The following MYO10 variants were observed in gnomAD, a reference collection of about 807,000 sequenced individuals.
MYO10 encodes unconventional myosin-X.
Under a neutral mutation model 257.3 loss-of-function variants are expected in MYO10, and 133 were observed. The observed-to-expected ratio is 0.52, with a 90% CI of 0.45 to 0.60. The LOEUF (loss-of-function observed/expected upper bound fraction) is 0.60, where lower values mean the gene tolerates loss of function less well. Among genes scored for constraint, MYO10 ranks in the 20% least tolerant of loss-of-function variants. The probability of loss-of-function intolerance (pLI) is 0.00; values close to 1 mark genes in which losing one functional copy is unlikely to be tolerated. For synonymous variants in MYO10, 1,104 were observed against 1,028.6 expected (o/e 1.07, Z -1.40); for missense variants, 2,399 against 2,635.7 (o/e 0.91, Z 1.97).
intron 4 of MYO10, among the ~76,000 whole-genome samples, chr5:16,792,132 C>CACACACACACACACACAG (rs755315207): frequency 1.3e-5 from 1 of 75,290 alleles, no homozygotes; most frequent in Non-Finnish European, 3.6e-5. Flanking sequence ...CACACACACA[C>CACACACACACACACACAG]AGAGAGAGAG....
At chr5:16,682,323 T>A (rs975509742) in intron 30 of MYO10, among the ~76,000 whole-genome samples, 10 of 151,692 alleles carry the variant, frequency 6.6e-5, no homozygotes, top group Non-Finnish European at 1.5e-4. Flanking sequence ...TGAGGGAAAA[T>A]TTTTTTTTGA....
Position 16,860,564 on chromosome 5 carries a change from C to T in MYO10, c.120+17045G>A, listed in dbSNP as rs75809858. Among the ~76,000 whole-genome samples, 707 of 152,272 alleles carry T rather than the reference C, an allele frequency of 4.6e-3. 9 individuals are homozygous for T. The highest frequency in any genetic ancestry group is 0.017 in the African/African-American group (692 of 41,550). ...TATGAAGCAGCTGGTCAGAGAAACG[C>T]ACTTGCAGAGACACTCCGTTAGTAT... On this transcript the variant is annotated intron_variant, in intron 2 of 40. Transcript: ENST00000513610.
chr5:16,815,845 G>A (rs1742587666), intron 3 of MYO10, among the ~76,000 whole-genome samples: 1 of 152,060 alleles, frequency 6.6e-6, no homozygotes, highest in African/African-American at 2.4e-5. Context: ...AACACAGAAT[G>A]CATCGCCACT....
chr5:16,776,681 G>C (rs1175598683), intron 9 of MYO10, among the ~76,000 whole-genome samples: 1 of 152,190 alleles, frequency 6.6e-6, no homozygotes, highest in Non-Finnish European at 1.5e-5. Flanking sequence ...CTGAAGGGAA[G>C]CCAAGTTCCA....
intron 19 of MYO10, among the ~76,000 whole-genome samples, chr5:16,729,523 C>A (rs1405665707): frequency 6.6e-6 from 1 of 150,540 alleles, no homozygotes; most frequent in Non-Finnish European, 1.5e-5. Flanking sequence ...GCGATCTTGG[C>A]TCACTGCAAG....
At chr5:16,739,245 C>G (rs140350190) in intron 19 of MYO10, among the ~76,000 whole-genome samples, 1 of 150,748 alleles carries the variant, frequency 6.6e-6, no homozygotes, top group East Asian at 1.9e-4. Flanking sequence ...CTCACACTAG[C>G]AAAAGTATCT....
At chr5:16,684,960 T>C (rs1299557335) in intron 29 of MYO10, among the ~76,000 whole-genome samples, 1 of 152,040 alleles carries the variant, frequency 6.6e-6, no homozygotes, top group Non-Finnish European at 1.5e-5. Context: ...GGCAGGAGAA[T>C]TGCTTGAACC....
intron 2 of MYO10, among the ~76,000 whole-genome samples, chr5:16,862,171 G>C (rs964388022): frequency 6.6e-6 from 1 of 152,172 alleles, no homozygotes; most frequent in Non-Finnish European, 1.5e-5. Flanking sequence ...ATTCCCTAAT[G>C]TCAGAACTGT....
At chr5:16,793,250 A>G (rs1365147854) in intron 4 of MYO10, among the ~76,000 whole-genome samples, 3 of 152,228 alleles carry the variant, frequency 2.0e-5, no homozygotes, top group Non-Finnish European at 2.9e-5. Flanking sequence ...GAAATAATTA[A>G]CAAACTCCAA....
chr5:16,929,915 T>C (rs2126807822), intron 1 of MYO10, among the ~76,000 whole-genome samples: 1 of 152,204 alleles, frequency 6.6e-6, no homozygotes, highest in Admixed American at 6.5e-5. Flanking sequence ...CAAAGAACTG[T>C]AAGATACTTC....
intron 4 of MYO10, among the ~76,000 whole-genome samples, chr5:16,788,582 T>C (rs952096248): frequency 2.0e-5 from 3 of 152,014 alleles, no homozygotes; most frequent in Non-Finnish European, 4.4e-5. Context: ...CCCTGAGACA[T>C]CTCAGTGATG....
At chr5:16,782,650 C>T (rs1447215428) in intron 5 of MYO10, among the ~76,000 whole-genome samples, 2 of 152,088 alleles carry the variant, frequency 1.3e-5, no homozygotes, top group Admixed American at 6.6e-5. Context: ...GATATGGGCA[C>T]GAGGCTGTGG....
At chr5:16,834,854 G>A (rs1310571878) in intron 2 of MYO10, among the ~76,000 whole-genome samples, 3 of 152,184 alleles carry the variant, frequency 2.0e-5, no homozygotes, top group Non-Finnish European at 2.9e-5. Flanking sequence ...TTTGGCAGAT[G>A]GGCACATTTC....
At chr5:16,856,549 CAA>C (rs879811857) in intron 2 of MYO10, among the ~76,000 whole-genome samples, 7 of 124,236 alleles carry the variant, frequency 5.6e-5, no homozygotes, top group Non-Finnish European at 3.5e-5. Flanking sequence ...GACTGTGTCT[CAA>C]AAAAAAAAAA....
At chr5:16,836,242 T>C (rs188909721) in intron 2 of MYO10, among the ~76,000 whole-genome samples, 3 of 152,272 alleles carry the variant, frequency 2.0e-5, no homozygotes, top group Admixed American at 6.5e-5. Flanking sequence ...TAGAATGCGA[T>C]GGAATCAAAA....
At chr5:16,833,267 G>A (rs1172688565) in intron 2 of MYO10, among the ~76,000 whole-genome samples, 5 of 150,520 alleles carry the variant, frequency 3.3e-5, no homozygotes, top group Non-Finnish European at 7.4e-5. Context: ...AGGCTGGAGT[G>A]CAGTGGCATG....
intron 19 of MYO10, among the ~76,000 whole-genome samples, chr5:16,747,838 G>A (rs1740243319): frequency 7.2e-6 from 1 of 138,316 alleles, no homozygotes; most frequent in Non-Finnish European, 1.5e-5. Flanking sequence ...AGAATCACTT[G>A]AACCCTGGAG....
At chr5:16,911,097 G>A (rs1745645647) in intron 1 of MYO10, among the ~76,000 whole-genome samples, 1 of 152,180 alleles carries the variant, frequency 6.6e-6, no homozygotes, top group Non-Finnish European at 1.5e-5. Flanking sequence ...GAGGCCAGGA[G>A]TGTGAGACCA....
Position 16,670,758 on chromosome 5 carries a change from A to T in MYO10, c.5651T>A (p.Phe1884Tyr), listed in dbSNP as rs769660439. 1 of 1,614,000 alleles carries T rather than the reference A, an allele frequency of 6.2e-7. No homozygotes were observed. The highest frequency in any genetic ancestry group is 1.6e-4 in the Middle Eastern group (1 of 6,062). Residue 1884 changes from phenylalanine (F) to tyrosine (Y), a missense_variant, in exon 39 of 41, where the codon TTC (phenylalanine) becomes TAC (tyrosine). Phe to Tyr is a conservative substitution (Grantham distance 22, BLOSUM62 3). Transcript: ENST00000513610. The part of the protein sequence containing the change: ...CERLEKRRTS[F>Y]LEGTLRRSFR... ...GCTCCGCCTCAGGGTCCCCTCTAGG[A>T]AGCTCGTCCGCCTCTTCTCCAGCCG...
Sources: allele counts gnomAD v4.1 joint callset (sites outside exome capture counted in the v4.1 genomes callset), GRCh38; gene constraint gnomAD v4.1.1; transcripts MANE v1.5; gene names NCBI Gene and HGNC (gene_info 2026-07-23, HGNC 2026-07-21).